The following SYNPR variants were observed in gnomAD, a reference collection of about 807,000 sequenced individuals.
The protein encoded by SYNPR is synaptoporin.
In SYNPR, 23 loss-of-function variants were observed where a neutral mutation model predicts 32.9. The ratio of observed to expected loss-of-function variants is 0.70; its 90% confidence interval spans 0.50 to 0.99. The LOEUF (loss-of-function observed/expected upper bound fraction) is 0.99, where lower values mean the gene tolerates loss of function less well. SYNPR is among the 50% of genes least tolerant of loss of function. SYNPR has a pLI of 0.00. For missense variants in SYNPR, 318 were observed against 349.3 expected (o/e 0.91, Z 0.71); for synonymous variants, 146 against 135.9 (o/e 1.07, Z -0.52).
intron 2 of SYNPR, among the ~76,000 whole-genome samples, chr3:63,342,083 T>C (rs62251362): frequency 0.29 from 44,388 of 152,174 alleles, 7,806 homozygotes; most frequent in Non-Finnish European, 0.4. Context: ...TGCATATAAA[T>C]GTTCAGTTGT....
intron 2 of SYNPR, among the ~76,000 whole-genome samples, chr3:63,254,398 C>T (rs946765806): frequency 6.6e-6 from 1 of 151,968 alleles, no homozygotes; most frequent in Non-Finnish European, 1.5e-5. Context: ...ACTAGTACGT[C>T]GTGAGATCAA....
upstream of SYNPR, among the ~76,000 whole-genome samples, chr3:63,224,158 G>C (rs1274932269): frequency 6.6e-6 from 1 of 152,178 alleles, no homozygotes; most frequent in Non-Finnish European, 1.5e-5. Context: ...CCACACAGCA[G>C]GAGGTGAGTG....
At chr3:63,434,721 G>T (rs1206940107) in intron 2 of SYNPR, among the ~76,000 whole-genome samples, 1 of 152,178 alleles carries the variant, frequency 6.6e-6, no homozygotes, top group African/African-American at 2.4e-5. Context: ...AGAAATGTGT[G>T]TTAGGAACAG....
chr3:63,559,589 GT>G (rs1702649994), intron 4 of SYNPR, among the ~76,000 whole-genome samples: 1 of 151,970 alleles, frequency 6.6e-6, no homozygotes, highest in Non-Finnish European at 1.5e-5. Context: ...AGAATTCTCT[GT>G]TTTTAGAAAT....
At chr3:63,414,780 T>C (rs1317718546) in intron 2 of SYNPR, among the ~76,000 whole-genome samples, 1 of 152,238 alleles carries the variant, frequency 6.6e-6, no homozygotes, top group Non-Finnish European at 1.5e-5. Flanking sequence ...CCAATTGCAA[T>C]GAATATCATT....
chr3:63,461,044 T>C (rs750259838), intron 2 of SYNPR, among the ~76,000 whole-genome samples: 2 of 148,404 alleles, frequency 1.3e-5, no homozygotes, highest in Non-Finnish European at 3.0e-5. Context: ...CTCAGGTTTG[T>C]TTTTTTTTTA....
chr3:63,275,906 C>G (rs767152566), upstream of SYNPR, among the ~76,000 whole-genome samples: 2 of 152,088 alleles, frequency 1.3e-5, no homozygotes, highest in Admixed American at 1.3e-4. Context: ...TGAGATCATA[C>G]GAACCTAGGG....
intron 2 of SYNPR, among the ~76,000 whole-genome samples, chr3:63,383,642 C>T (rs2088003429): frequency 6.6e-6 from 1 of 152,040 alleles, no homozygotes; most frequent in Non-Finnish European, 1.5e-5. Context: ...AAGACTCTGT[C>T]TCCAAATAAA....
chr3:63,473,220 C>G (rs1700837706), intron 2 of SYNPR, among the ~76,000 whole-genome samples: 1 of 152,144 alleles, frequency 6.6e-6, no homozygotes, highest in African/African-American at 2.4e-5. Flanking sequence ...ATCCATTCCT[C>G]CAGACAGCTA....
At chr3:63,554,455 A>G (rs761499794) in intron 3 of SYNPR, among the ~76,000 whole-genome samples, 2 of 152,170 alleles carry the variant, frequency 1.3e-5, no homozygotes, top group South Asian at 2.1e-4. Context: ...AGCACCATGT[A>G]CTGAGTAGGG....
chr3:63,418,690 G>A (rs966003109), intron 2 of SYNPR, among the ~76,000 whole-genome samples: 1 of 152,152 alleles, frequency 6.6e-6, no homozygotes, highest in Admixed American at 6.5e-5. Context: ...AGAGAGTTTT[G>A]CAGGCAAGCT....
chr3:63,335,277 C>T (rs1314399854), intron 2 of SYNPR, among the ~76,000 whole-genome samples: 2 of 143,090 alleles, frequency 1.4e-5, no homozygotes, highest in Non-Finnish European at 3.0e-5. Flanking sequence ...GGAGTGAACC[C>T]GGGAGGCGGA....
intron 2 of SYNPR, among the ~76,000 whole-genome samples, chr3:63,352,010 C>T (rs2087516673): frequency 6.6e-6 from 1 of 152,088 alleles, no homozygotes; most frequent in African/African-American, 2.4e-5. Context: ...AACCTGCTCT[C>T]TGGGGAGCCG....
At chr3:63,399,202 C>A (rs1334682845) in intron 2 of SYNPR, among the ~76,000 whole-genome samples, 2 of 152,164 alleles carry the variant, frequency 1.3e-5, no homozygotes, top group Non-Finnish European at 2.9e-5. Flanking sequence ...CTGATTAGAT[C>A]AGTTTTAGTC....
At chr3:63,480,999 A>T (rs763303263) in intron 3 of SYNPR, 43 bp downstream of exon 3, 27 of 1,584,578 alleles carry the variant, frequency 1.7e-5, no homozygotes, top group Non-Finnish European at 2.0e-5. Context: ...ACAGGGGGTT[A>T]TTTCTTTCTT....
intron 3 of SYNPR, among the ~76,000 whole-genome samples, chr3:63,502,259 C>T (rs1258750322): frequency 1.3e-5 from 2 of 151,954 alleles, no homozygotes; most frequent in African/African-American, 4.8e-5. Flanking sequence ...ATTTTAGGCT[C>T]ACAGCAAAAT....
chr3:63,403,316 TC>T (rs1446944095), intron 2 of SYNPR, among the ~76,000 whole-genome samples: 2 of 151,850 alleles, frequency 1.3e-5, no homozygotes, highest in African/African-American at 4.8e-5. Flanking sequence ...AATAATAGAG[TC>T]CACGAAGCCT....
intron 2 of SYNPR, among the ~76,000 whole-genome samples, chr3:63,419,163 TA>T (rs1252424002): frequency 2.0e-5 from 3 of 152,168 alleles, no homozygotes; most frequent in Non-Finnish European, 4.4e-5. Flanking sequence ...CTTTGCAAAG[TA>T]ATCAGGCAGT....
chr3:63,474,276 A>C (rs1700859379), intron 2 of SYNPR, among the ~76,000 whole-genome samples: 1 of 152,218 alleles, frequency 6.6e-6, no homozygotes. Flanking sequence ...TCTCAGGCCA[A>C]GCACACGTAT....
Sources: allele counts gnomAD v4.1 joint callset (sites outside exome capture counted in the v4.1 genomes callset), GRCh38; gene constraint gnomAD v4.1.1; transcripts MANE v1.5; gene names NCBI Gene and HGNC (gene_info 2026-07-23, HGNC 2026-07-21).